TET1: variants seen among roughly 807,000 people sequenced by gnomAD.
TET1 encodes the protein methylcytosine dioxygenase TET1.
TET1 carries 13 observed loss-of-function variants against 148.7 expected under a neutral mutation model. The ratio of observed to expected loss-of-function variants is 0.09; its 90% CI spans 0.06 to 0.14. TET1 has a LOEUF of 0.14. Among genes scored for constraint, TET1 ranks in the 10% least tolerant of loss-of-function variants. TET1 has a pLI of 1.00. For synonymous variants in TET1, 907 were observed against 937.2 expected (o/e 0.97, Z 0.59); for missense variants, 2,182 against 2,553.8 (o/e 0.85, Z 3.14).
At chr10:68,647,440 C>A (rs916073508) in intron 4 of TET1, among the ~76,000 whole-genome samples, 2 of 152,014 alleles carry the variant, frequency 1.3e-5, no homozygotes, top group Non-Finnish European at 2.9e-5. Context: ...CCTGTATTTA[C>A]TTAAAATTCA....
intron 3 of TET1, among the ~76,000 whole-genome samples, chr10:68,620,650 T>C (rs961956172): frequency 1.3e-5 from 2 of 152,162 alleles, no homozygotes; most frequent in Non-Finnish European, 2.9e-5. Flanking sequence ...TGTGGAACTT[T>C]TTGTGTGGAC....
chr10:68,675,864 T>C (rs2055341910), intron 8 of TET1, among the ~76,000 whole-genome samples: 1 of 152,112 alleles, frequency 6.6e-6, no homozygotes, highest in Non-Finnish European at 1.5e-5. Flanking sequence ...ATTTTGTTGT[T>C]GTTGTCTTGA....
chr10:68,633,944 T>G (rs902830540), intron 3 of TET1, among the ~76,000 whole-genome samples: 8 of 152,140 alleles, frequency 5.3e-5, no homozygotes, highest in Non-Finnish European at 1.0e-4. Context: ...TGAGAAACAG[T>G]CTCACTCTCA....
chr10:68,579,481 A>G (rs1022989139), intron 2 of TET1, among the ~76,000 whole-genome samples: 6 of 152,226 alleles, frequency 3.9e-5, no homozygotes, highest in Non-Finnish European at 5.9e-5. Context: ...ATCAACAAGT[A>G]TTGCACTTCT....
At chr10:68,689,796 T>A (rs967721882) in intron 11 of TET1, among the ~76,000 whole-genome samples, 1 of 151,712 alleles carries the variant, frequency 6.6e-6, no homozygotes, top group Non-Finnish European at 1.5e-5. Flanking sequence ...AAAAAGAACT[T>A]CATAACAGGG....
chr10:68,645,334 G>C lies in TET1; in HGVS notation c.2605G>C (p.Asp869His). The change falls in exon 4 of 12, where the codon GAT (aspartate) becomes CAT (histidine). Residue 869 changes from aspartate (D) to histidine (H), a missense_variant. Asp to His is a moderately conservative substitution (Grantham distance 81). Coordinates refer to ENST00000373644, the MANE Select transcript of TET1 (RefSeq NM_030625.3). ...GAATATACCAAGTAAAGAACCAAAAGATGGATCTCCCGTTCAACCAAGTCT... is the reference window on the plus strand; with the variant it reads ...GAATATACCAAGTAAAGAACCAAAACATGGATCTCCCGTTCAACCAAGTCT... ...PENIPSKEPKDGSPVQPSLLS... is the reference protein window; with the variant it reads ...PENIPSKEPKHGSPVQPSLLS... 1.2e-6 allele frequency: 2 copies of C among 1,614,102 alleles called. No homozygotes were observed. The highest frequency in any genetic ancestry group is 1.7e-6 in the Non-Finnish European group (2 of 1,180,022).
At chr10:68,664,918 G>T (rs1016925839) in intron 6 of TET1, among the ~76,000 whole-genome samples, 3 of 151,788 alleles carry the variant, frequency 2.0e-5, no homozygotes, top group Non-Finnish European at 4.4e-5. Context: ...GGGACTACAG[G>T]TACATGCCAC....
In TET1 at chr10:68,691,313, A is replaced by C; in HGVS notation, c.5910A>C (p.Pro1970=). The C allele has an allele frequency of 2.5e-6, 4 of 1,614,198 alleles. No individual in the cohort carries two copies. The highest frequency in any genetic ancestry group is 3.4e-6 in the Non-Finnish European group (4 of 1,180,036). Reference sequence around the variant, plus strand: ...AGCATTCTGAAGCAGATGAGCCTCCATCAGACGAACCCCTATCTGATGACC... The same window carrying C: ...AGCATTCTGAAGCAGATGAGCCTCCCTCAGACGAACCCCTATCTGATGACC... ...DEQHSEADEP[P]SDEPLSDDPL... The change falls in exon 12 of 12, where the codon CCA becomes CCC. Residue 1970 remains proline, a synonymous_variant. Transcript: ENST00000373644. The surrounding 1 kb of genome is among the most constrained non-coding windows in gnomAD (Gnocchi z 4.4).
At chr10:68,675,521 A>G (rs1192742813) in intron 8 of TET1, among the ~76,000 whole-genome samples, 2 of 151,768 alleles carry the variant, frequency 1.3e-5, no homozygotes, top group Non-Finnish European at 2.9e-5. Context: ...AACGGATGGG[A>G]CGATTTTGAA....
At chr10:68,568,508 T>TAGG (rs2053631706) in intron 1 of TET1, among the ~76,000 whole-genome samples, 1 of 152,228 alleles carries the variant, frequency 6.6e-6, no homozygotes, top group Admixed American at 6.5e-5. Context: ...CCCAAAGTGC[T>TAGG]AGGATTACAG....
chr10:68,682,011 T>G (rs960037028), intron 9 of TET1, among the ~76,000 whole-genome samples: 2 of 150,846 alleles, frequency 1.3e-5, no homozygotes, highest in African/African-American at 2.4e-5. Flanking sequence ...ATAGAAAAAT[T>G]TTCAAATTTG....
rs761725017 is a variant in TET1 at position 68,690,881 on chromosome 10, C to G, written c.5478C>G (p.Asp1826Glu). The change falls in exon 12 of 12, where the codon GAC (aspartate) becomes GAG (glutamate). Residue 1826 changes from aspartate (D) to glutamate (E), a missense_variant. Physicochemically the swap from Asp to Glu is conservative, Grantham distance 45 (BLOSUM62 2). Coordinates refer to ENST00000373644, the MANE Select transcript of TET1 (RefSeq NM_030625.3). ...TEPHFILKSSDNTKTYSLMPS... is the reference protein window; with the variant it reads ...TEPHFILKSSENTKTYSLMPS... ...CCCATTTTATCTTAAAAAGTTCAGA[C>G]AACACTAAAACTTATTCGCTGATGC... The G allele has an allele frequency of 1.9e-6, 3 of 1,614,178 alleles. No individual in the cohort carries two copies. In the East Asian group the frequency reaches 6.7e-5, roughly 36 times the overall value.
In TET1 at chr10:68,691,398, C is replaced by A; in HGVS notation, c.5995C>A (p.His1999Asn). The change falls in exon 12 of 12, where the codon CAC (histidine) becomes AAC (asparagine). Residue 1999 changes from histidine to asparagine, a missense_variant. By Grantham distance (68) the His-to-Asn change is moderately conservative. This residue lies in a region of TET1 where 380 missense variants were observed against 387.9 expected (regional missense o/e 0.98). Coordinates refer to ENST00000373644, the MANE Select transcript of TET1 (RefSeq NM_030625.3). This position sits in a 1 kb window ranked among gnomAD's most constrained non-coding sequence, Gnocchi z 4.4. The stretch of plus-strand genomic sequence containing the variant: ...TGATGAGTATTGGTCAGACAGTGAG[C>A]ACATCTTTTTGGATGCAAATATTGG... ...HIDEYWSDSE[H>N]IFLDANIGGV... 1 of 1,614,134 alleles carries A rather than the reference C, an allele frequency of 6.2e-7. No individual in the cohort carries two copies. Among genetic ancestry groups the A allele is most frequent in the Non-Finnish European group, 8.5e-7 (1 of 1,180,034 alleles).
intron 2 of TET1, among the ~76,000 whole-genome samples, chr10:68,581,468 C>CT (rs1292452140): frequency 6.6e-6 from 1 of 152,136 alleles, no homozygotes; most frequent in Non-Finnish European, 1.5e-5. Context: ...GACTGTAGAG[C>CT]TATTCGCAGA....
In TET1 at chr10:68,625,484, G is replaced by T. The variant is rs75568746; in HGVS notation, c.1969-19214G>T. Among the ~76,000 whole-genome samples, 650 of 152,230 alleles carry T rather than the reference G, an allele frequency of 4.3e-3. 3 individuals carry two copies. The highest frequency in any genetic ancestry group is 0.015 in the African/African-American group (622 of 41,538). ...AGTCGCTTAAAAGCGGGTCACAAAA[G>T]GCTACTTGGCAACGTTCCACAGAGG... On this transcript the variant is annotated intron_variant, in intron 3 of 11. Coordinates refer to ENST00000373644, the MANE Select transcript of TET1 (RefSeq NM_030625.3).
At chr10:68,628,767 A>G (rs1415011432) in intron 3 of TET1, among the ~76,000 whole-genome samples, 11 of 152,174 alleles carry the variant, frequency 7.2e-5, no homozygotes, top group Non-Finnish European at 1.5e-4. Context: ...TTGAAATAGC[A>G]TTTGGCAAGG....
At chr10:68,681,730 G>A (rs1043990478) in intron 9 of TET1, among the ~76,000 whole-genome samples, 2 of 152,106 alleles carry the variant, frequency 1.3e-5, no homozygotes, top group Non-Finnish European at 2.9e-5. Flanking sequence ...ACTTTGGGAG[G>A]CCAAGGCAGT....
intron 3 of TET1, among the ~76,000 whole-genome samples, chr10:68,643,696 C>T (rs2054795257): frequency 6.6e-6 from 1 of 151,570 alleles, no homozygotes; most frequent in Non-Finnish European, 1.5e-5. Flanking sequence ...TGGCTGTAAT[C>T]CCAGCTACTT....
chr10:68,579,117 T>C (rs1378063330), intron 2 of TET1, among the ~76,000 whole-genome samples: 2 of 152,200 alleles, frequency 1.3e-5, no homozygotes, highest in Non-Finnish European at 2.9e-5. Context: ...TTACTGATGG[T>C]TTACAAAGTA....
Sources: allele counts gnomAD v4.1 joint callset (sites outside exome capture counted in the v4.1 genomes callset), GRCh38; gene constraint gnomAD v4.1.1; regional missense constraint gnomAD v4.1.1; non-coding constraint Gnocchi (gnomAD v3.1); transcripts MANE v1.5; gene names NCBI Gene and HGNC (gene_info 2026-07-23, HGNC 2026-07-21).